Variants in AFG3L2 observed in about 807,000 individuals in gnomAD.
AFG3L2 encodes the protein mitochondrial inner membrane m-AAA protease component AFG3L2.
A neutral mutation model predicts 94.5 loss-of-function variants in AFG3L2; 54 were observed. The observed-to-expected ratio is 0.57, with a 90% CI of 0.46 to 0.72. The LOEUF (loss-of-function observed/expected upper bound fraction) is 0.72. AFG3L2 is among the 30% of genes least tolerant of loss of function. The probability of loss-of-function intolerance (pLI) is 0.00; values close to 1 mark genes in which losing one functional copy is unlikely to be tolerated. For synonymous variants in AFG3L2, 377 were observed against 365.5 expected (o/e 1.03, Z -0.36); for missense variants, 754 against 994.9 (o/e 0.76, Z 3.26).
At chr18:12,332,466 TG>T (rs1907564509) in intron 16 of AFG3L2, among the ~76,000 whole-genome samples, 1 of 152,166 alleles carries the variant, frequency 6.6e-6, no homozygotes, top group African/African-American at 2.4e-5. Flanking sequence ...ATAAATGTTA[TG>T]TTTTTAAAGA....
intron 3 of AFG3L2, among the ~76,000 whole-genome samples, chr18:12,370,463 C>CTTTTTTTTTTTTT (rs71369930): frequency 5.0e-5 from 6 of 121,042 alleles, no homozygotes; most frequent in African/African-American, 1.7e-4. Flanking sequence ...CTATAACTTT[C>CTTTTTTTTTTTTT]TTTTTTTTTT....
chr18:12,330,794 CAG>C (rs920088023), intron 16 of AFG3L2, among the ~76,000 whole-genome samples: 4 of 150,512 alleles, frequency 2.7e-5, no homozygotes, highest in African/African-American at 9.7e-5. Flanking sequence ...AAAAAAAAAA[CAG>C]ACTAGGCAGG....
Position 12,359,952 on chromosome 18 carries a change from C to T in AFG3L2, c.727G>A (p.Val243Ile), listed in dbSNP as rs963184141. The T allele has an allele frequency of 6.2e-7, 1 of 1,613,892 alleles. No homozygotes were observed. The highest frequency in any genetic ancestry group is 8.5e-7 in the Non-Finnish European group (1 of 1,180,012). ...LGIEGENRVPVVYIAESDGSF... is the reference protein window; with the variant it reads ...LGIEGENRVPIVYIAESDGSF... ...CCATCACTTTCAGCAATGTAGACAA[C>T]AGGCACCCGATTTTCTCCTTCTATG... Residue 243 changes from valine to isoleucine, a missense_variant, in exon 7 of 17, where the codon GTT (valine) becomes ATT (isoleucine). Around this residue, in one of 4 missense-constraint regions of AFG3L2, gnomAD observed 130 missense variants for 175.1 expected, o/e 0.74. Transcript: ENST00000269143.
At chr18:12,332,420 T>G (rs866263286) in intron 16 of AFG3L2, among the ~76,000 whole-genome samples, 2 of 152,282 alleles carry the variant, frequency 1.3e-5, no homozygotes, top group Middle Eastern at 3.4e-3. Context: ...TTGAGATAAC[T>G]CCTTACTCTG....
chr18:12,329,874 A>T, intron 16 of AFG3L2, 91 bp from the exon 17 acceptor site: 1 of 1,156,626 alleles, frequency 8.6e-7, no homozygotes, highest in Non-Finnish European at 1.3e-6. Context: ...CCCCATTCCA[A>T]AAAAGGATTT....
chr18:12,363,783 C>T lies in AFG3L2; in HGVS notation c.626G>A (p.Gly209Glu). The T allele has an allele frequency of 1.9e-6, 3 of 1,610,394 alleles. No individual in the cohort carries two copies. Among genetic ancestry groups the T allele is most frequent in the Non-Finnish European group, 2.5e-6 (3 of 1,177,740 alleles). ...TFTPGKTPVD[G>E]QYVWFNIGSV... ...ACATCAATTAATAAAATGATTTACC[C>T]CATCAACAGGAGTTTTTCCTGGTGT... The change falls in exon 6 of 17, where the codon GGG (glycine) becomes GAG (glutamate). Residue 209 changes from glycine to glutamate, a missense_variant and splice_region_variant. Gly to Glu is a moderately conservative substitution (Grantham distance 98). Coordinates refer to ENST00000269143, the MANE Select transcript of AFG3L2 (RefSeq NM_006796.3).
Position 12,371,664 on chromosome 18 carries a change from T to C in AFG3L2, c.142A>G (p.Arg48Gly), listed in dbSNP as rs199805314. The C allele has an allele frequency of 1.2e-6, 2 of 1,614,090 alleles. No homozygotes were observed. Among genetic ancestry groups the C allele is most frequent in the Non-Finnish European group, 1.7e-6 (2 of 1,180,026 alleles). ...GTCAAAAGAGAATTTCTGCTGGCCC[T>C]TGCTTGAGTTGTAACAAATCGGTAA... ...TLYRFVTTQA[R>G]ASRNSLLTDI... is the part of the protein sequence containing the mutation. The change falls in exon 2 of 17, where the codon AGG becomes GGG. Residue 48 changes from arginine (R) to glycine (G), a missense_variant. Coordinates refer to ENST00000269143, the MANE Select transcript of AFG3L2 (RefSeq NM_006796.3).
chr18:12,342,671 A>G (rs1385692591), intron 14 of AFG3L2: 2 of 152,188 alleles, frequency 1.3e-5, no homozygotes, highest in African/African-American at 4.8e-5. Flanking sequence ...TGATGGTTTT[A>G]GTTCTTATGA....
chr18:12,377,085 C>G lies in AFG3L2; in HGVS notation c.-3G>C. On this transcript the variant is annotated 5_prime_UTR_variant, in exon 1 of 17. Transcript: ENST00000269143. The stretch of plus-strand genomic sequence containing the variant: ...AGCCGCAAACAGCGGTGCGCCATGG[C>G]CGCCGCCGTGGCCCTCTCGGCCCGG... The G allele has an allele frequency of 2.1e-6, 3 of 1,413,700 alleles. No individual in the cohort carries two copies. Among genetic ancestry groups the G allele is most frequent in the Non-Finnish European group, 2.8e-6 (3 of 1,083,128 alleles). The allele number at this position is 1,413,700 out of a possible 1,614,324, so 87.6% of individuals were successfully genotyped here.
chr18:12,358,973 G>A, intron 7 of AFG3L2, 30 bp from the exon 8 acceptor site: 1 of 1,595,328 alleles, frequency 6.3e-7, no homozygotes, highest in East Asian at 2.3e-5. Flanking sequence ...CACGGGTTAG[G>A]ACTGGCTGCT....
chr18:12,361,888 C>T (rs796818044), intron 6 of AFG3L2, among the ~76,000 whole-genome samples: 14 of 152,274 alleles, frequency 9.2e-5, no homozygotes, highest in African/African-American at 3.4e-4. Context: ...ATAGATTAAC[C>T]ACAGAGGATG....
In AFG3L2 at chr18:12,354,135, C is replaced by T. The variant is rs563284461; in HGVS notation, c.1165-977G>A. Among the ~76,000 whole-genome samples, 9 of 126,418 alleles carry T rather than the reference C, an allele frequency of 7.1e-5. 1 individual carries two copies. Among genetic ancestry groups the T allele is most frequent in the Non-Finnish European group, 1.1e-4 (7 of 62,460 alleles). The allele number at this position is 126,418 out of a possible 152,430, so 82.9% of individuals were successfully genotyped here. ...AACTCTCCACCTGCCCACTCCCACC[C>T]CCCCCCCCCCACTTCACTGGACAGA... On this transcript the variant is annotated intron_variant, in intron 9 of 16. Coordinates refer to ENST00000269143, the MANE Select transcript of AFG3L2 (RefSeq NM_006796.3).
intron 13 of AFG3L2, among the ~76,000 whole-genome samples, chr18:12,347,551 A>G (rs958583356): frequency 4.4e-5 from 2 of 45,482 alleles, no homozygotes. Context: ...ATTTATTATT[A>G]TTATTTTTTT....
At position 12,363,797 on chromosome 18, in the gene AFG3L2, T is replaced by C. The variant is rs761451669; in HGVS notation, c.612A>G (p.Lys204=). The C allele has an allele frequency of 6.2e-7, 1 of 1,612,780 alleles. No individual in the cohort carries two copies. The highest frequency in any genetic ancestry group is 2.2e-5 in the East Asian group (1 of 44,870). ...RFVRVTFTPG[K]TPVDGQYVWF... is the part of the protein sequence containing the mutation. ...AATGATTTACCCCATCAACAGGAGTTTTTCCTGGTGTAAAGGTCACTCGAA... is the reference window on the plus strand; with the variant it reads ...AATGATTTACCCCATCAACAGGAGTCTTTCCTGGTGTAAAGGTCACTCGAA... The change falls in exon 6 of 17, where the codon AAA becomes AAG. Residue 204 remains lysine (K), a synonymous_variant. Coordinates refer to ENST00000269143, the MANE Select transcript of AFG3L2 (RefSeq NM_006796.3).
At chr18:12,348,219 G>C in intron 13 of AFG3L2, 54 bp downstream of exon 13, 2 of 1,451,824 alleles carry the variant, frequency 1.4e-6, no homozygotes, top group Non-Finnish European at 1.9e-6. Context: ...GAAATCCCTG[G>C]CCTCAAATTC....
At chr18:12,369,819 G>C (rs1418426143) in intron 3 of AFG3L2, among the ~76,000 whole-genome samples, 3 of 152,018 alleles carry the variant, frequency 2.0e-5, no homozygotes, top group Non-Finnish European at 4.4e-5. Flanking sequence ...CACTTTGGGA[G>C]GCCGAGGCAG....
At chr18:12,341,446 C>A (rs542091743) in intron 14 of AFG3L2, 1 of 152,290 alleles carries the variant, frequency 6.6e-6, no homozygotes. Flanking sequence ...CCTCCACACC[C>A]AACCCCAGGC....
At chr18:12,346,055 C>T (rs1908124375) in intron 13 of AFG3L2, among the ~76,000 whole-genome samples, 1 of 152,120 alleles carries the variant, frequency 6.6e-6, no homozygotes, top group Non-Finnish European at 1.5e-5. Flanking sequence ...ATCCAAAGTT[C>T]CTCTTCCTCC....
intron 13 of AFG3L2, among the ~76,000 whole-genome samples, chr18:12,345,648 C>A (rs1344259744): frequency 6.6e-6 from 1 of 152,208 alleles, no homozygotes; most frequent in South Asian, 2.1e-4. Context: ...TATCTCACTA[C>A]ACAACACTGC....
Sources: allele counts gnomAD v4.1 joint callset (sites outside exome capture counted in the v4.1 genomes callset), GRCh38; gene constraint gnomAD v4.1.1; regional missense constraint gnomAD v4.1.1; transcripts MANE v1.5; gene names NCBI Gene and HGNC (gene_info 2026-07-23, HGNC 2026-07-21).